Variants in PANK2 observed in about 807,000 individuals in gnomAD.
The protein encoded by PANK2 is pantothenate kinase 2, mitochondrial.
A neutral mutation model predicts 43.1 loss-of-function variants in PANK2; 36 were observed. The observed-to-expected ratio is 0.84, with a 90% CI of 0.64 to 1.10. The LOEUF (loss-of-function observed/expected upper bound fraction) is 1.10. Among genes scored for constraint, PANK2 ranks in the 50% least tolerant of loss-of-function variants. PANK2 has a pLI of 0.00. For missense variants in PANK2, 576 were observed against 593.3 expected (o/e 0.97, Z 0.30); for synonymous variants, 281 against 238.2 (o/e 1.18, Z -1.66).
chr20:3,919,190 G>T (rs1190094217), intron 6 of PANK2, among the ~76,000 whole-genome samples: 1 of 152,214 alleles, frequency 6.6e-6, no homozygotes, highest in African/African-American at 2.4e-5. Flanking sequence ...AGGATTACAG[G>T]TGTGAACCAC....
intron 1 of PANK2, among the ~76,000 whole-genome samples, chr20:3,897,617 G>A (rs2090230854): frequency 6.6e-6 from 1 of 151,814 alleles, no homozygotes; most frequent in Admixed American, 6.6e-5. Context: ...ACTTGAGCCA[G>A]GGAGGTTGAG....
chr20:3,903,307 C>T (rs1047498427), intron 1 of PANK2, among the ~76,000 whole-genome samples: 5 of 151,568 alleles, frequency 3.3e-5, no homozygotes, highest in African/African-American at 1.2e-4. Context: ...ACTGCCACAC[C>T]GGGCTAATTT....
chr20:3,907,961 C>A lies in PANK2; in HGVS notation c.334C>A (p.Leu112Met). 6.2e-7 allele frequency: 1 copy of A among 1,614,148 alleles called. No individual in the cohort carries two copies. Among genetic ancestry groups the A allele is most frequent in the Non-Finnish European group, 8.5e-7 (1 of 1,180,032 alleles). ...GTTTGGACTGGATATCGGTGGAACTCTGGTCAAGCTGGTATATTTTGAACC... is the reference window on the plus strand; with the variant it reads ...GTTTGGACTGGATATCGGTGGAACTATGGTCAAGCTGGTATATTTTGAACC... Residue 112 changes from leucine (L) to methionine (M), a missense_variant, in exon 2 of 7, where the codon CTG (leucine) becomes ATG (methionine). This residue lies in a region of PANK2 where 544 missense variants were observed against 528.9 expected (regional missense o/e 1.03). Coordinates refer to ENST00000610179, the MANE Select transcript of PANK2 (RefSeq NM_001386393.1).
rs1377858865 is a variant in PANK2, at chr20:3,912,627, G to C, written c.1075G>C (p.Ala359Pro). The stretch of plus-strand genomic sequence containing the variant: ...GTTTGGACTGCCAGGCTGGGCTGTG[G>C]CTTCAAGGTAAGGGGGCATGTGTGT... Residue 359 changes from alanine (A) to proline (P), a missense_variant, in exon 4 of 7, where the codon GCT (alanine) becomes CCT (proline). Physicochemically the swap from Ala to Pro is conservative, Grantham distance 27. Coordinates refer to ENST00000610179, the MANE Select transcript of PANK2 (RefSeq NM_001386393.1). 1 of 1,614,006 alleles carries C rather than the reference G, an allele frequency of 6.2e-7. No individual in the cohort carries two copies. Among genetic ancestry groups the C allele is most frequent in the Admixed American group, 1.7e-5 (1 of 59,980 alleles).
chr20:3,912,417 T>TA, intron 3 of PANK2, 41 bp from the exon 4 acceptor site: 1 of 1,602,982 alleles, frequency 6.2e-7, no homozygotes, highest in East Asian at 2.2e-5. Context: ...TTCTTATTTT[T>TA]AAAAATGTTA....
intron 1 of PANK2, among the ~76,000 whole-genome samples, chr20:3,897,284 G>T (rs758925266): frequency 5.2e-4 from 79 of 152,204 alleles, no homozygotes; most frequent in Non-Finnish European, 1.1e-3. Context: ...AGTATAGGTT[G>T]TCTAGACTGA....
intron 1 of PANK2, among the ~76,000 whole-genome samples, chr20:3,896,254 AT>A: frequency 1.3e-5 from 1 of 78,506 alleles, no homozygotes; most frequent in Non-Finnish European, 2.6e-5. Context: ...TTTTTTTTGT[AT>A]TTTTAGTAGA....
intron 2 of PANK2, among the ~76,000 whole-genome samples, chr20:3,910,307 T>G (rs1054317326): frequency 6.7e-6 from 1 of 150,148 alleles, no homozygotes; most frequent in African/African-American, 2.5e-5. Flanking sequence ...TTTTTTTTTT[T>G]GTTTTTTTTG....
At chr20:3,896,066 CT>C (rs1397169940) in intron 1 of PANK2, among the ~76,000 whole-genome samples, 220 of 142,062 alleles carry the variant, frequency 1.5e-3, no homozygotes, top group Admixed American at 1.6e-3. Flanking sequence ...CTGTGTGTTT[CT>C]TTTTTTTTTT....
chr20:3,908,775 C>G (rs1224616488), intron 2 of PANK2: 11 of 200,680 alleles, frequency 5.5e-5, no homozygotes, highest in Middle Eastern at 2.5e-3. Flanking sequence ...GCAGAGCCCT[C>G]CTCTCCCAGA....
intron 1 of PANK2, 51 bp downstream of exon 1, chr20:3,889,779 C>G: frequency 1.9e-6 from 3 of 1,559,832 alleles, no homozygotes; most frequent in Non-Finnish European, 2.6e-6. Context: ...CCCCTTCCGG[C>G]CCACCCTGTC....
chr20:3,890,662 A>G (rs1368734914), intron 1 of PANK2, among the ~76,000 whole-genome samples: 1 of 152,198 alleles, frequency 6.6e-6, no homozygotes, highest in Non-Finnish European at 1.5e-5. Context: ...GTTTAAATGC[A>G]GATTGTGAGA....
intron 1 of PANK2, among the ~76,000 whole-genome samples, chr20:3,899,714 T>C (rs1257274089): frequency 6.9e-6 from 1 of 145,222 alleles, no homozygotes; most frequent in African/African-American, 2.5e-5. Flanking sequence ...TTTTTTTTTT[T>C]TTTTTTTTTT....
At chr20:3,890,042 A>G in intron 1 of PANK2, 2 of 858,654 alleles carry the variant, frequency 2.3e-6, no homozygotes, top group Non-Finnish European at 3.4e-6. Context: ...TTTATCCTCG[A>G]GAAGGCTTCT....
At chr20:3,917,467 C>A (rs74679345) in intron 5 of PANK2, 1 of 533,956 alleles carries the variant, frequency 1.9e-6, no homozygotes, top group African/African-American at 2.0e-5. Flanking sequence ...CCCTCCTTGG[C>A]TCCCCCACCT....
chr20:3,906,006 G>A (rs557059425), intron 1 of PANK2, among the ~76,000 whole-genome samples: 2 of 151,844 alleles, frequency 1.3e-5, no homozygotes, highest in Non-Finnish European at 2.9e-5. Context: ...GTGAGCCACC[G>A]TGCCCGGCCT....
intron 4 of PANK2, among the ~76,000 whole-genome samples, chr20:3,915,908 T>TGTGA (rs2090552958): frequency 6.6e-6 from 1 of 152,174 alleles, no homozygotes; most frequent in Non-Finnish European, 1.5e-5. Flanking sequence ...AGTAAGAAAG[T>TGTGA]GTGAGTCATC....
chr20:3,912,827 GTAGAC>G (rs1250722908), intron 4 of PANK2, among the ~76,000 whole-genome samples, 193 bp downstream of exon 4: 2 of 147,996 alleles, frequency 1.4e-5, no homozygotes, highest in African/African-American at 4.9e-5. Flanking sequence ...GTGCGCGCCT[GTAGAC>G]CCAGGTACTT....
In PANK2 at chr20:3,924,820, C is replaced by G. The variant is rs1000245631; in HGVS notation, c.*1526C>G. 2 of 152,600 alleles carry G rather than the reference C, an allele frequency of 1.3e-5. No individual in the cohort carries two copies. Among genetic ancestry groups the G allele is most frequent in the Non-Finnish European group, 2.9e-5 (2 of 68,366 alleles). 9.5% of individuals were successfully genotyped at this position (152,600 alleles called of 1,614,324 possible). A position where few individuals can be genotyped will look rare whatever the true frequency, so the allele number is the denominator to read the frequency against. On this transcript the variant is annotated 3_prime_UTR_variant, in exon 7 of 7. Transcript: ENST00000610179. ...TGGCACCACCATCCTCCTGCTTGTA[C>G]CACAGGGTGCTGCTCCCTGGGCCAA...
Sources: allele counts gnomAD v4.1 joint callset (sites outside exome capture counted in the v4.1 genomes callset), GRCh38; gene constraint gnomAD v4.1.1; regional missense constraint gnomAD v4.1.1; transcripts MANE v1.5; gene names NCBI Gene and HGNC (gene_info 2026-07-23, HGNC 2026-07-21).